HYCC1: variants seen among roughly 807,000 people sequenced by gnomAD.
The protein encoded by HYCC1 is hyccin.
the HYCC1 span, among the ~76,000 whole-genome samples, chr7:23,008,320 T>C: frequency 6.6e-6 from 1 of 151,982 alleles, no homozygotes; most frequent in Non-Finnish European, 1.5e-5. Context: ...TTTTAAAATA[T>C]CAAATATACC....
At chr7:22,968,192 GATC>G in the HYCC1 span, among the ~76,000 whole-genome samples, 14 of 152,290 alleles carry the variant, frequency 9.2e-5, no homozygotes, top group Admixed American at 4.6e-4. Context: ...ATTTAGATGT[GATC>G]ATGTGACTAA....
the HYCC1 span, chr7:23,013,833 C>T: frequency 9.3e-6 from 4 of 428,920 alleles, no homozygotes; most frequent in South Asian, 6.6e-5. Context: ...CTGTCCTCGC[C>T]GCCGCCTCGC....
At chr7:23,001,781 C>A in the HYCC1 span, among the ~76,000 whole-genome samples, 2 of 151,992 alleles carry the variant, frequency 1.3e-5, no homozygotes, top group Non-Finnish European at 2.9e-5. Flanking sequence ...CAAGAGTGAT[C>A]CAAAAACATG....
chr7:22,925,612 C>T, the HYCC1 span, among the ~76,000 whole-genome samples: 351 of 152,034 alleles, frequency 2.3e-3, no homozygotes, highest in Middle Eastern at 3.4e-3. Flanking sequence ...TGAAATGAAG[C>T]GTGAAGAGAA....
At chr7:23,005,781 G>C in the HYCC1 span, among the ~76,000 whole-genome samples, 1 of 151,956 alleles carries the variant, frequency 6.6e-6, no homozygotes, top group Non-Finnish European at 1.5e-5. Context: ...GAATATTCTG[G>C]TTCTACCACC....
At chr7:22,913,049 A>C in the HYCC1 span, among the ~76,000 whole-genome samples, 101 of 152,086 alleles carry the variant, frequency 6.6e-4, no homozygotes, top group Non-Finnish European at 1.0e-3. Context: ...AATTGAACCT[A>C]GGAGGCGGAG....
the HYCC1 span, among the ~76,000 whole-genome samples, chr7:22,901,218 T>A: frequency 2.0e-5 from 1 of 51,024 alleles, no homozygotes; most frequent in South Asian, 7.5e-4. Context: ...TGAGACCCTG[T>A]CTCAAAAAAA....
the HYCC1 span, among the ~76,000 whole-genome samples, chr7:22,969,318 T>TTGTGTG: frequency 4.0e-5 from 6 of 148,396 alleles, no homozygotes; most frequent in East Asian, 4.0e-4. Flanking sequence ...CCTGTTTATT[T>TTGTGTG]TGTGTGTGTG....
chr7:22,896,684 C>T, the HYCC1 span, among the ~76,000 whole-genome samples: 16 of 152,180 alleles, frequency 1.1e-4, no homozygotes, highest in Admixed American at 9.2e-4. Context: ...GCCTTTCTCT[C>T]ATTCCCATCT....
At chr7:22,912,498 T>C in the HYCC1 span, among the ~76,000 whole-genome samples, 1 of 152,190 alleles carries the variant, frequency 6.6e-6, no homozygotes, top group East Asian at 1.9e-4. Context: ...CACTCACACA[T>C]AAAATGGAGG....
the HYCC1 span, among the ~76,000 whole-genome samples, chr7:22,907,104 CAAAAAAAAAA>C: frequency 6.9e-5 from 3 of 43,536 alleles, no homozygotes; most frequent in African/African-American, 2.0e-4. Flanking sequence ...GACTCTATCT[CAAAAAAAAAA>C]AAAAAAAAAA....
chr7:22,913,876 TC>T, the HYCC1 span, among the ~76,000 whole-genome samples: 1 of 152,144 alleles, frequency 6.6e-6, no homozygotes, highest in African/African-American at 2.4e-5. Flanking sequence ...GGGAGATCAG[TC>T]CCCTGTCCTC....
chr7:22,946,018 C>G, the HYCC1 span: 5 of 1,613,580 alleles, frequency 3.1e-6, no homozygotes, highest in Admixed American at 1.7e-5. Context: ...GTCTGTGGTT[C>G]TTTCCTATAC....
the HYCC1 span, chr7:22,947,273 A>C: frequency 6.5e-7 from 1 of 1,534,360 alleles, no homozygotes; most frequent in Admixed American, 2.0e-5. Flanking sequence ...ATAAGACAAA[A>C]TGATGGATGA....
chr7:22,945,404 C>T, the HYCC1 span: 1 of 599,352 alleles, frequency 1.7e-6, no homozygotes, highest in Admixed American at 2.9e-5. Flanking sequence ...CAAGAAATAA[C>T]AAAACCATAT....
At chr7:22,971,677 CA>C in the HYCC1 span, among the ~76,000 whole-genome samples, 48,365 of 91,872 alleles carry the variant, frequency 0.53, 8,541 homozygotes, top group Middle Eastern at 0.6. Flanking sequence ...CCCCATCTCA[CA>C]AAAAAAAAAA....
chr7:23,005,380 G>T, the HYCC1 span, among the ~76,000 whole-genome samples: 2 of 152,048 alleles, frequency 1.3e-5, no homozygotes, highest in Admixed American at 1.3e-4. Context: ...CAAACAAAAG[G>T]TACTCAATGA....
the HYCC1 span, among the ~76,000 whole-genome samples, chr7:23,004,752 T>C: frequency 1.3e-5 from 2 of 152,142 alleles, no homozygotes; most frequent in African/African-American, 4.8e-5. Context: ...AATAAAAATA[T>C]AGTCAACACA....
the HYCC1 span, chr7:22,946,886 T>A: frequency 2.2e-6 from 3 of 1,340,800 alleles, no homozygotes. Context: ...TTAGATTACA[T>A]GCAAAATTTT....
Sources: gnomAD v4.1 joint callset for allele counts (sites outside exome capture counted in the v4.1 genomes callset) on GRCh38, gnomAD v4.1.1 for gene constraint, MANE v1.5 for transcripts, NCBI Gene and HGNC (gene_info 2026-07-23, HGNC 2026-07-21) for gene names.